The following TNPO2 variants were observed in gnomAD, a reference collection of about 807,000 sequenced individuals.
The protein encoded by TNPO2 is transportin 2.
A neutral mutation model predicts 111.1 loss-of-function variants in TNPO2; 16 were observed. That is an observed-to-expected ratio of 0.14 (90% CI 0.10 to 0.22). The LOEUF (loss-of-function observed/expected upper bound fraction) is 0.22. Ranked by LOEUF, TNPO2 falls within the 10% of genes least tolerant of loss-of-function variation. The pLI, the probability that TNPO2 is intolerant of heterozygous loss-of-function variation, is 1.00. For synonymous variants in TNPO2, 481 were observed against 475.8 expected (o/e 1.01, Z -0.14); for missense variants, 530 against 1,173.7 (o/e 0.45, Z 8.01).
At chr19:12,703,147 T>C (rs1002333062) in intron 20 of TNPO2, 10 of 582,928 alleles carry the variant, frequency 1.7e-5, no homozygotes, top group African/African-American at 1.3e-4. Context: ...GTCGCTAAGG[T>C]GACAACACGC....
chr19:12,719,198 G>T lies in TNPO2; in HGVS notation c.176-20C>A, dbSNP rs2026530868. 1 of 1,613,914 alleles carries T rather than the reference G, an allele frequency of 6.2e-7. No individual in the cohort carries two copies. The highest frequency in any genetic ancestry group is 2.2e-5 in the East Asian group (1 of 44,884). ...GCTCATCTGGGAGGAGGAAGGCTGA[G>T]GTTCAGGGGCCCAGGGGGAGAAAGC... On this transcript the variant is annotated intron_variant, in intron 4 of 25. Coordinates refer to ENST00000425528, the MANE Select transcript of TNPO2 (RefSeq NM_001382241.1). This position sits in a 1 kb window ranked among gnomAD's most constrained non-coding sequence, Gnocchi z 5.0.
intron 5 of TNPO2, among the ~76,000 whole-genome samples, chr19:12,717,774 T>C (rs2026444371): frequency 6.6e-6 from 1 of 152,066 alleles, no homozygotes; most frequent in Non-Finnish European, 1.5e-5. Context: ...CCTCCCGGGC[T>C]CAAGCAATTC....
chr19:12,703,682 G>A, intron 19 of TNPO2, 32 bp downstream of exon 19: 11 of 1,603,086 alleles, frequency 6.9e-6, no homozygotes, highest in Non-Finnish European at 8.5e-6. Flanking sequence ...CGGGGCTGGG[G>A]TCATGGGTTA....
chr19:12,714,541 T>C (rs1484822247), intron 10 of TNPO2, among the ~76,000 whole-genome samples: 2 of 152,150 alleles, frequency 1.3e-5, no homozygotes, highest in Non-Finnish European at 2.9e-5. Flanking sequence ...CTCGATCTTC[T>C]GACCTTGTGA....
chr19:12,708,357 C>A (rs1599414967), intron 13 of TNPO2, among the ~76,000 whole-genome samples: 1 of 151,444 alleles, frequency 6.6e-6, no homozygotes, highest in Non-Finnish European at 1.5e-5. Flanking sequence ...GTCTTGAACC[C>A]CTGGCATCAG....
intron 11 of TNPO2, 24 bp from the exon 12 acceptor site, chr19:12,711,485 G>C: frequency 6.2e-7 from 1 of 1,613,912 alleles, no homozygotes; most frequent in East Asian, 2.2e-5. Context: ...AGACTGTTAA[G>C]TACTTTGGGG....
intron 5 of TNPO2, among the ~76,000 whole-genome samples, chr19:12,717,644 T>C (rs2026438467): frequency 6.6e-6 from 1 of 152,130 alleles, no homozygotes. Context: ...CACATCCTAC[T>C]ACTGGCCTGG....
chr19:12,703,369 G>GC, intron 20 of TNPO2, 59 bp downstream of exon 20: 2 of 1,506,156 alleles, frequency 1.3e-6, no homozygotes, highest in Non-Finnish European at 1.8e-6. Context: ...CTAGGCTCCC[G>GC]CCCCCAGGTT....
chr19:12,722,867 G>C (rs1378169063), intron 2 of TNPO2, among the ~76,000 whole-genome samples: 2 of 152,174 alleles, frequency 1.3e-5, no homozygotes, highest in Admixed American at 1.3e-4. Flanking sequence ...GTTTGGTAGC[G>C]CGTGGGGACT....
chr19:12,706,748 G>T lies in TNPO2; in HGVS notation c.1318C>A (p.Leu440Met). Residue 440 changes from leucine to methionine, a missense_variant, in exon 14 of 26, where the codon CTG becomes ATG. By Grantham distance (15) the Leu-to-Met change is conservative. Coordinates refer to ENST00000425528, the MANE Select transcript of TNPO2 (RefSeq NM_001382241.1). This position sits in a 1 kb window ranked among gnomAD's most constrained non-coding sequence, Gnocchi z 7.0. ...VPYLPELIPH[L>M]IQCLSDKKAL... Reference sequence around the variant, plus strand: ...TTCTTATCCGACAGGCACTGGATCAGGTGCGGGATCAGCTCAGGCAGGTAG... The same window carrying T: ...TTCTTATCCGACAGGCACTGGATCATGTGCGGGATCAGCTCAGGCAGGTAG... 6.2e-7 allele frequency: 1 copy of T among 1,613,348 alleles called. No individual in the cohort carries two copies. The highest frequency in any genetic ancestry group is 8.5e-7 in the Non-Finnish European group (1 of 1,179,638).
rs541482486 is a variant in TNPO2 at position 12,721,036 on chromosome 19, G to C, written c.-13-46C>G. 228 of 1,536,596 alleles carry C rather than the reference G, an allele frequency of 1.5e-4. 2 individuals carry two copies. The African/African-American group carries it at 2.7e-3, about 18-fold the overall frequency. On this transcript the variant is annotated intron_variant, in intron 2 of 25. Coordinates refer to ENST00000425528, the MANE Select transcript of TNPO2 (RefSeq NM_001382241.1). The surrounding 1 kb of genome is among the most constrained non-coding windows in gnomAD (Gnocchi z 4.9). Reference sequence around the variant, plus strand: ...GTCAGCGCTGGGTCTCTGGGGCTCCGTGTGAGACCCAGGTGGAGCCCCTGA... The same window carrying C: ...GTCAGCGCTGGGTCTCTGGGGCTCCCTGTGAGACCCAGGTGGAGCCCCTGA...
chr19:12,714,085 G>A (rs1166760990), intron 10 of TNPO2, among the ~76,000 whole-genome samples: 1 of 152,120 alleles, frequency 6.6e-6, no homozygotes, highest in East Asian at 1.9e-4. Flanking sequence ...GTTTGTCAAG[G>A]AGGGTCAGTT....
intron 5 of TNPO2, among the ~76,000 whole-genome samples, chr19:12,716,526 C>G (rs373314021): frequency 1.3e-3 from 191 of 151,966 alleles, no homozygotes; most frequent in South Asian, 4.6e-3. Flanking sequence ...CTTGGGAGGC[C>G]GAGGCAGGAG....
chr19:12,715,707 C>T lies in TNPO2; in HGVS notation c.358G>A (p.Glu120Lys), dbSNP rs778576006. The T allele has an allele frequency of 6.2e-7, 1 of 1,613,266 alleles. No homozygotes were observed. Among genetic ancestry groups the T allele is most frequent in the Non-Finnish European group, 8.5e-7 (1 of 1,179,684 alleles). Residue 120 changes from glutamate (E) to lysine (K), a missense_variant, in exon 6 of 26, where the codon GAG becomes AAG. This residue lies in a region of TNPO2 where 156 missense variants were observed against 405.8 expected (regional missense o/e 0.38). Coordinates refer to ENST00000425528, the MANE Select transcript of TNPO2 (RefSeq NM_001382241.1). This position sits in a 1 kb window ranked among gnomAD's most constrained non-coding sequence, Gnocchi z 7.1. Reference protein sequence around the residue: ...ILITTIASKGELQMWPELLPQ... With the variant: ...ILITTIASKGKLQMWPELLPQ... ...AGCAGCTCGGGCCACATCTGCAGCT[C>T]ACCCTTGGAAGCGATGGTGGTGATG...
chr19:12,702,998 C>T lies in TNPO2; in HGVS notation c.2210-80G>A, dbSNP rs2025411423. The T allele has an allele frequency of 7.8e-7, 1 of 1,287,588 alleles. No individual in the cohort carries two copies. The highest frequency in any genetic ancestry group is 1.8e-5 in the Admixed American group (1 of 54,682). The allele number at this position is 1,287,588 out of a possible 1,614,324, so 79.8% of individuals were successfully genotyped here. On this transcript the variant is annotated intron_variant, in intron 20 of 25. Transcript: ENST00000425528. This position sits in a 1 kb window ranked among gnomAD's most constrained non-coding sequence, Gnocchi z 5.5. ...GGGGGCCGCCCCACCTCACTCACTA[C>T]TCGCCCCAGTTCCAACTAGAGACTG...
intron 3 of TNPO2, among the ~76,000 whole-genome samples, 176 bp downstream of exon 3, chr19:12,720,703 C>G (rs193273393): frequency 1.3e-5 from 2 of 152,138 alleles, no homozygotes; most frequent in Non-Finnish European, 2.9e-5. Context: ...TAACAATCCC[C>G]GCAGCTCTGG....
At position 12,701,191 on chromosome 19, in the gene TNPO2, C is replaced by T. The variant is rs761221004; in HGVS notation, c.*73G>A. ...CCCCTCAACCAGGGCACAGCGACTT[C>T]CGGATGCAGCGCACTCCCCAGTAAT... On this transcript the variant is annotated 3_prime_UTR_variant, in exon 26 of 26. Coordinates refer to ENST00000425528, the MANE Select transcript of TNPO2 (RefSeq NM_001382241.1). This position sits in a 1 kb window ranked among gnomAD's most constrained non-coding sequence, Gnocchi z 5.0. The T allele has an allele frequency of 1.6e-6, 1 of 615,360 alleles. No individual in the cohort carries two copies. The highest frequency in any genetic ancestry group is 2.0e-5 in the South Asian group (1 of 48,912). The allele number at this position is 615,360 out of a possible 1,614,324, so 38.1% of individuals were successfully genotyped here. A position where few individuals can be genotyped will look rare whatever the true frequency, so the allele number is the denominator to read the frequency against.
intron 19 of TNPO2, 54 bp downstream of exon 19, chr19:12,703,660 A>T: frequency 6.3e-7 from 1 of 1,593,276 alleles, no homozygotes; most frequent in Non-Finnish European, 8.6e-7. Context: ...ATTGCTCTCC[A>T]TCACTTGAGG....
In TNPO2 at chr19:12,714,947, A is replaced by G. The variant is rs2026278562; in HGVS notation, c.772-8T>C. On this transcript the variant is annotated splice_polypyrimidine_tract_variant and splice_region_variant and intron_variant, in intron 9 of 25. Transcript: ENST00000425528. ...GGTCCTCTGCAGCATGTACTGTGGT[A>G]GGGGGGAGAAGCTGAGGCCTGGCCT... 5.0e-6 allele frequency: 8 copies of G among 1,606,752 alleles called. No homozygotes were observed. In the East Asian group the frequency reaches 1.8e-4, roughly 36 times the overall value.
Sources: allele counts gnomAD v4.1 joint callset (sites outside exome capture counted in the v4.1 genomes callset), GRCh38; gene constraint gnomAD v4.1.1; regional missense constraint gnomAD v4.1.1; non-coding constraint Gnocchi (gnomAD v3.1); transcripts MANE v1.5; gene names NCBI Gene and HGNC (gene_info 2026-07-23, HGNC 2026-07-21).